Variants in TCERG1L observed in about 807,000 individuals in gnomAD.
The protein encoded by TCERG1L is transcription elongation regulator 1 like, also known as transcription elongation regulator 1-like protein.
In TCERG1L, 37 loss-of-function variants were observed where a neutral mutation model predicts 56.3. The observed-to-expected ratio is 0.66, with a 90% CI of 0.51 to 0.87. TCERG1L has a LOEUF of 0.87. Among genes scored for constraint, TCERG1L ranks in the 40% least tolerant of loss-of-function variants. TCERG1L has a pLI of 0.00. For missense variants in TCERG1L, 799 were observed against 774.2 expected (o/e 1.03, Z -0.38); for synonymous variants, 324 against 326.3 (o/e 0.99, Z 0.08).
At chr10:131,286,592 T>A (rs1288534432) in intron 3 of TCERG1L, among the ~76,000 whole-genome samples, 1 of 152,168 alleles carries the variant, frequency 6.6e-6, no homozygotes, top group Non-Finnish European at 1.5e-5. Flanking sequence ...AAAAAGCAAA[T>A]CATTTGTGTA....
chr10:131,290,262 G>GGTGT (rs1487083314), intron 3 of TCERG1L, among the ~76,000 whole-genome samples: 1 of 152,200 alleles, frequency 6.6e-6, no homozygotes, highest in Admixed American at 6.5e-5. Context: ...TGTGCGAGCA[G>GGTGT]GTGTGTACAT....
intron 4 of TCERG1L, among the ~76,000 whole-genome samples, chr10:131,231,121 T>G (rs1564821358): frequency 1.3e-5 from 2 of 151,050 alleles, no homozygotes; most frequent in African/African-American, 4.8e-5. Context: ...TGAATTGGCC[T>G]CCAAGTGTAC....
At chr10:131,096,114 G>A (rs1407777561) in intron 11 of TCERG1L, among the ~76,000 whole-genome samples, 2 of 152,272 alleles carry the variant, frequency 1.3e-5, no homozygotes, top group Non-Finnish European at 2.9e-5. Flanking sequence ...CATCCTCCTC[G>A]TCACTTTCTG....
chr10:131,187,858 A>C (rs537754379), intron 4 of TCERG1L, among the ~76,000 whole-genome samples: 1 of 152,276 alleles, frequency 6.6e-6, no homozygotes, highest in African/African-American at 2.4e-5. Flanking sequence ...AGAAAAGAAA[A>C]GCATCCTCTG....
rs575875684 is a variant in TCERG1L, at chr10:131,110,790, AG to A, written c.1395+6008del. Among the ~76,000 whole-genome samples, 3 of 145,212 alleles carry A rather than the reference AG, an allele frequency of 2.1e-5. No homozygotes were observed. The South Asian group carries it at 7.2e-4, about 35-fold the overall frequency. On this transcript the variant is annotated intron_variant, in intron 9 of 11. Coordinates refer to ENST00000368642, the MANE Select transcript of TCERG1L (RefSeq NM_174937.4). Reference sequence around the variant, plus strand: ...CAGTGGACGCGTCAGCCCTGAGAAAAGGGGGTTCAATTCAAGTAAAGTGGCT... The same window carrying A: ...CAGTGGACGCGTCAGCCCTGAGAAAAGGGGTTCAATTCAAGTAAAGTGGCT...
intron 11 of TCERG1L, 29 bp downstream of exon 11, chr10:131,098,277 A>C (rs1781463800): frequency 1.6e-5 from 24 of 1,546,548 alleles, no homozygotes; most frequent in Non-Finnish European, 2.0e-5. Context: ...CAGCCCCAGA[A>C]ATCATCCGGT....
intron 3 of TCERG1L, among the ~76,000 whole-genome samples, chr10:131,284,928 T>C (rs930663424): frequency 6.6e-6 from 1 of 152,170 alleles, no homozygotes; most frequent in African/African-American, 2.4e-5. Context: ...GAGGTTCTTA[T>C]ATTTTAAGAG....
intron 4 of TCERG1L, among the ~76,000 whole-genome samples, chr10:131,216,104 G>A (rs1213190133): frequency 6.6e-6 from 1 of 152,148 alleles, no homozygotes; most frequent in Non-Finnish European, 1.5e-5. Flanking sequence ...GAAGATAATC[G>A]ATTAAATAAA....
intron 7 of TCERG1L, among the ~76,000 whole-genome samples, chr10:131,145,541 C>A (rs1336890918): frequency 6.6e-6 from 1 of 152,202 alleles, no homozygotes; most frequent in Non-Finnish European, 1.5e-5. Flanking sequence ...AGACTACCAC[C>A]ATGTCTCTTA....
chr10:131,173,626 G>A (rs1322875645), intron 4 of TCERG1L, among the ~76,000 whole-genome samples: 3 of 152,232 alleles, frequency 2.0e-5, no homozygotes, highest in African/African-American at 4.8e-5. Context: ...CAGCCCCGGC[G>A]CAAGGCGGAA....
intron 4 of TCERG1L, among the ~76,000 whole-genome samples, chr10:131,235,685 TATATA>T (rs1315248278): frequency 6.6e-6 from 1 of 152,144 alleles, no homozygotes; most frequent in East Asian, 1.9e-4. Flanking sequence ...TAGAACAACA[TATATA>T]ATATAACCCT....
At chr10:131,142,059 G>A (rs1025019960) in intron 7 of TCERG1L, among the ~76,000 whole-genome samples, 2 of 152,214 alleles carry the variant, frequency 1.3e-5, no homozygotes, top group South Asian at 2.1e-4. Flanking sequence ...TTGGCATCAC[G>A]TTACAGAGAC....
chr10:131,306,332 A>G (rs1846818058), intron 3 of TCERG1L, among the ~76,000 whole-genome samples: 1 of 152,178 alleles, frequency 6.6e-6, no homozygotes, highest in Admixed American at 6.5e-5. Context: ...ACATTTGATT[A>G]TTATTAAATT....
chr10:131,263,589 C>T (rs1589765691), intron 3 of TCERG1L, among the ~76,000 whole-genome samples: 2 of 152,218 alleles, frequency 1.3e-5, no homozygotes, highest in Admixed American at 1.3e-4. Flanking sequence ...GTGCCCCATA[C>T]ATTTGCCATA....
rs12241988 is a variant in TCERG1L, at chr10:131,285,060, C to G, written c.670+23151G>C. ...CTATGAATCCAGTATAGCTTTCACA[C>G]TAAAGCCAGGTGAGTCTAGTAAAAG... On this transcript the variant is annotated intron_variant, in intron 3 of 11. Transcript: ENST00000368642. Among the ~76,000 whole-genome samples, 1,176 of 152,222 alleles carry G rather than the reference C, an allele frequency of 7.7e-3. 20 individuals carry two copies. Among genetic ancestry groups the G allele is most frequent in the African/African-American group, 0.027 (1,106 of 41,546 alleles).
chr10:131,175,744 A>G lies in TCERG1L; in HGVS notation c.857-8859T>C, dbSNP rs190992302. On this transcript the variant is annotated intron_variant, in intron 4 of 11. Coordinates refer to ENST00000368642, the MANE Select transcript of TCERG1L (RefSeq NM_174937.4). ...TTCCAAGCACTCTTGTGTCAGGTAC[A>G]TAGTGAGCCAAGTAGGACTTTACCC... 2.6e-5 allele frequency among the ~76,000 whole-genome samples: 4 copies of G among 152,340 alleles called. No individual in the cohort carries two copies. In the East Asian group the frequency reaches 7.7e-4, roughly 29 times the overall value.
chr10:131,207,154 C>T (rs975410323), intron 4 of TCERG1L, among the ~76,000 whole-genome samples: 2 of 152,064 alleles, frequency 1.3e-5, no homozygotes, highest in East Asian at 1.9e-4. Flanking sequence ...ACCCCAATCC[C>T]CTCACTTGCC....
chr10:131,102,143 G>T (rs1845310904), intron 10 of TCERG1L, among the ~76,000 whole-genome samples: 1 of 152,148 alleles, frequency 6.6e-6, no homozygotes, highest in Non-Finnish European at 1.5e-5. Context: ...ATTTTTTGAG[G>T]CTGTGATGAC....
At chr10:131,101,139 A>G (rs1845300609) in intron 10 of TCERG1L, among the ~76,000 whole-genome samples, 1 of 152,198 alleles carries the variant, frequency 6.6e-6, no homozygotes, top group South Asian at 2.1e-4. Context: ...GGCAGGCCCA[A>G]CTCCATCAGG....
Sources: allele counts gnomAD v4.1 joint callset (sites outside exome capture counted in the v4.1 genomes callset), GRCh38; gene constraint gnomAD v4.1.1; transcripts MANE v1.5; gene names NCBI Gene and HGNC (gene_info 2026-07-23, HGNC 2026-07-21).